Variants in SAMMSON observed in about 807,000 individuals in gnomAD.
The protein encoded by SAMMSON is survival associated mitochondrial melanoma specific oncogenic non-coding RNA.
intron 2 of SAMMSON, among the ~76,000 whole-genome samples, chr3:70,404,479 T>A (rs1701164649): frequency 6.6e-6 from 1 of 152,122 alleles, no homozygotes; most frequent in Admixed American, 6.5e-5. Context: ...TACACTGACT[T>A]GATATAATTA....
intron 4 of SAMMSON, among the ~76,000 whole-genome samples, chr3:70,123,924 C>G (rs73838063): frequency 2.3e-3 from 344 of 152,264 alleles, no homozygotes; most frequent in African/African-American, 7.8e-3. Flanking sequence ...TAAATGAGCA[C>G]CCAGCACAGG....
chr3:70,204,523 C>T (rs147057438), intron 4 of SAMMSON: 6 of 152,172 alleles, frequency 3.9e-5, no homozygotes, highest in East Asian at 3.9e-4. Flanking sequence ...ATTTTTCACA[C>T]GGGAGGAAAA....
chr3:70,082,481 G>A (rs959427481), intron 4 of SAMMSON, among the ~76,000 whole-genome samples: 2 of 152,158 alleles, frequency 1.3e-5, no homozygotes, highest in African/African-American at 4.8e-5. Context: ...GGGGAAGGTG[G>A]TTTGGAGAGA....
chr3:70,245,747 T>C (rs1287630317), intron 4 of SAMMSON, among the ~76,000 whole-genome samples: 2 of 129,758 alleles, frequency 1.5e-5, no homozygotes, highest in Non-Finnish European at 3.2e-5. Flanking sequence ...GCTCCCTGAG[T>C]TATGTAATTG....
At chr3:70,194,678 C>G (rs917138452) in intron 4 of SAMMSON, among the ~76,000 whole-genome samples, 9 of 152,278 alleles carry the variant, frequency 5.9e-5, no homozygotes, top group African/African-American at 2.2e-4. Flanking sequence ...ATTTTTATGT[C>G]TCTAATTGAC....
chr3:70,043,060 C>A (rs2067111649), intron 3 of SAMMSON, among the ~76,000 whole-genome samples: 2 of 152,058 alleles, frequency 1.3e-5, no homozygotes, highest in South Asian at 2.1e-4. Context: ...ATATCATGCA[C>A]CCCAAGGAAG....
chr3:70,136,232 G>T (rs2067505230), intron 4 of SAMMSON, among the ~76,000 whole-genome samples: 1 of 152,268 alleles, frequency 6.6e-6, no homozygotes, highest in Admixed American at 6.5e-5. Context: ...CTCCCACGCT[G>T]AATAGAACTG....
chr3:70,147,477 A>C (rs1238603173), intron 4 of SAMMSON, among the ~76,000 whole-genome samples: 2 of 152,062 alleles, frequency 1.3e-5, no homozygotes, highest in Non-Finnish European at 2.9e-5. Context: ...CACGTAGATG[A>C]CTGGAATATA....
chr3:70,019,916 C>G (rs975547480), intron 3 of SAMMSON, among the ~76,000 whole-genome samples: 5 of 152,132 alleles, frequency 3.3e-5, no homozygotes, highest in African/African-American at 1.2e-4. Flanking sequence ...ACTTGGGTAA[C>G]AACTATTAAA....
chr3:70,340,619 C>A (rs568420158), intron 7 of SAMMSON, among the ~76,000 whole-genome samples: 4 of 152,066 alleles, frequency 2.6e-5, no homozygotes, highest in Non-Finnish European at 5.9e-5. Flanking sequence ...CTTATGTAAA[C>A]AGCTCCCAGT....
intron 7 of SAMMSON, among the ~76,000 whole-genome samples, chr3:70,339,205 A>G (rs895153243): frequency 6.6e-6 from 1 of 152,196 alleles, no homozygotes; most frequent in Non-Finnish European, 1.5e-5. Flanking sequence ...CCATATGTAG[A>G]AAGCTGAAAC....
At chr3:70,120,144 G>A (rs2067426911) in intron 4 of SAMMSON, 1 of 152,128 alleles carries the variant, frequency 6.6e-6, no homozygotes, top group Non-Finnish European at 1.5e-5. Flanking sequence ...CATCAAAAGT[G>A]TATCTGTGTA....
chr3:70,064,384 A>G lies in SAMMSON; in HGVS notation n.418-7092A>G, dbSNP rs147867330. Among the ~76,000 whole-genome samples, 119 of 152,274 alleles carry G rather than the reference A, an allele frequency of 7.8e-4. 1 individual carries two copies. The East Asian group carries it at 0.021, about 28-fold the overall frequency. On this transcript the variant is annotated intron_variant and non_coding_transcript_variant, in intron 3 of 9. Coordinates refer to ENST00000642114, the Ensembl canonical transcript of SAMMSON. The stretch of plus-strand genomic sequence containing the variant: ...TAAGCGTTTGGCCAGAAGATGGTGC[A>G]GTGTTCAAGGGATCCTTCTCTCTCA...
rs1701401195 is a variant in SAMMSON, at chr3:70,215,634, C to T, written n.508-33473C>T. 2.6e-5 allele frequency among the ~76,000 whole-genome samples: 4 copies of T among 152,018 alleles called. No homozygotes were observed. The South Asian group carries it at 8.3e-4, about 32-fold the overall frequency. ...CCAGGTTGATATCCTTACTAGATCC[C>T]TTAGTTTAGTTTATAGTACTGTGAT... On this transcript the variant is annotated intron_variant and non_coding_transcript_variant, in intron 4 of 9. Coordinates refer to ENST00000642114, the Ensembl canonical transcript of SAMMSON.
At chr3:70,192,747 A>C (rs1226594900) in intron 4 of SAMMSON, among the ~76,000 whole-genome samples, 1 of 152,368 alleles carries the variant, frequency 6.6e-6, no homozygotes, top group East Asian at 1.9e-4. Context: ...TAAGTAGGTC[A>C]CATGTAATAT....
intron 2 of SAMMSON, among the ~76,000 whole-genome samples, chr3:70,397,965 T>G (rs2106761062): frequency 6.6e-6 from 1 of 152,344 alleles, no homozygotes; most frequent in South Asian, 2.1e-4. Context: ...TAATGTTATC[T>G]TTTCATTTAT....
chr3:70,238,222 C>T (rs1257164623), intron 4 of SAMMSON, among the ~76,000 whole-genome samples: 2 of 151,792 alleles, frequency 1.3e-5, no homozygotes, highest in Non-Finnish European at 2.9e-5. Context: ...TTGAAATTAG[C>T]ATACTGGGAG....
At chr3:70,092,902 G>GTT (rs5849939) in intron 4 of SAMMSON, among the ~76,000 whole-genome samples, 2,294 of 137,836 alleles carry the variant, frequency 0.017, 94 homozygotes, top group Admixed American at 0.09. Flanking sequence ...TAGTGTTTTT[G>GTT]TTTTTTTTTT....
chr3:70,081,849 C>T (rs984432852), intron 4 of SAMMSON, among the ~76,000 whole-genome samples: 1 of 152,090 alleles, frequency 6.6e-6, no homozygotes, highest in Non-Finnish European at 1.5e-5. Flanking sequence ...GAATGTGACA[C>T]CTAAAATTGA....
Sources: gnomAD v4.1 joint callset for allele counts (sites outside exome capture counted in the v4.1 genomes callset) on GRCh38, gnomAD v4.1.1 for gene constraint, MANE v1.5 for transcripts, NCBI Gene and HGNC (gene_info 2026-07-23, HGNC 2026-07-21) for gene names.